TNS1: variants seen among roughly 807,000 people sequenced by gnomAD.
TNS1 encodes the protein tensin 1, also known as tensin-1.
A neutral mutation model predicts 168.6 loss-of-function variants in TNS1; 62 were observed. That is an observed-to-expected ratio of 0.37 (90% CI 0.30 to 0.45). TNS1 has a LOEUF of 0.45. Ranked by LOEUF, TNS1 falls within the 20% of genes least tolerant of loss-of-function variation. The pLI, the probability that TNS1 is intolerant of heterozygous loss-of-function variation, is 1.00. For synonymous variants in TNS1, 934 were observed against 933.2 expected, an observed-to-expected ratio of 1.00 and a Z score of -0.02; for missense variants, 2,240 against 2,339.4, an observed-to-expected ratio of 0.96 and a Z score of 0.88.
Position 217,818,161 on chromosome 2 carries a change from G to A in TNS1, c.4171C>T (p.Leu1391Phe), listed in dbSNP as rs993491639. The part of the protein sequence containing the change: ...GAHQGNLASG[L>F]HSNAIASPGS... ...GGGCTGGCTATTGCATTGCTATGAAGACCGGAGGCCAGGTTGCCTTGGTGA... is the reference window on the plus strand; with the variant it reads ...GGGCTGGCTATTGCATTGCTATGAAAACCGGAGGCCAGGTTGCCTTGGTGA... The change falls in exon 24 of 33, where the codon CTT (leucine) becomes TTT (phenylalanine). Residue 1391 changes from leucine (L) to phenylalanine (F), a missense_variant. This residue lies in a region of TNS1 where 2,131 missense variants were observed against 2,171.2 expected (regional missense o/e 0.98). Coordinates refer to ENST00000682258, the MANE Select transcript of TNS1 (RefSeq NM_001387777.1). The A allele has an allele frequency of 2.5e-6, 4 of 1,613,928 alleles. No homozygotes were observed. The highest frequency in any genetic ancestry group is 2.5e-6 in the Non-Finnish European group (3 of 1,179,990).
chr2:217,948,144 C>G lies in TNS1; in HGVS notation c.187-27908G>C, dbSNP rs551643032. 1.5e-4 allele frequency among the ~76,000 whole-genome samples: 23 copies of G among 152,366 alleles called. No individual in the cohort carries two copies. Among genetic ancestry groups the G allele is most frequent in the Admixed American group, 2.0e-4 (3 of 15,308 alleles). On this transcript the variant is annotated intron_variant, in intron 3 of 32. Coordinates refer to ENST00000682258, the MANE Select transcript of TNS1 (RefSeq NM_001387777.1). The surrounding 1 kb of genome is among the most constrained non-coding windows in gnomAD (Gnocchi z 4.1). ...ACTCCCACACTCAAGGAGCCAGACT[C>G]TCAGGTTCTTACAGCACTAAGGTGA...
At chr2:217,941,086 T>G (rs901455423) in intron 3 of TNS1, among the ~76,000 whole-genome samples, 1 of 152,184 alleles carries the variant, frequency 6.6e-6, no homozygotes, top group Non-Finnish European at 1.5e-5. Context: ...TTTACAAATG[T>G]GGAAACTGAG....
intron 4 of TNS1, among the ~76,000 whole-genome samples, chr2:217,910,877 T>C (rs1349124882): frequency 1.3e-5 from 2 of 152,158 alleles, no homozygotes; most frequent in Non-Finnish European, 2.9e-5. Context: ...AGGTCTGATC[T>C]GCCCAGCCTT....
At chr2:217,951,776 C>T (rs1026339698) in intron 3 of TNS1, among the ~76,000 whole-genome samples, 2 of 152,254 alleles carry the variant, frequency 1.3e-5, no homozygotes, top group African/African-American at 4.8e-5. Context: ...CACACACACA[C>T]ACACAGCCAC....
intron 2 of TNS1, 147 bp downstream of exon 2, chr2:217,990,795 G>T: frequency 2.6e-6 from 1 of 386,412 alleles, no homozygotes; most frequent in Non-Finnish European, 4.7e-6. Context: ...CATCCAGTGA[G>T]CTCAGCATCC....
At chr2:217,807,946 G>T in intron 32 of TNS1, 129 bp downstream of exon 32, 3 of 1,105,096 alleles carry the variant, frequency 2.7e-6, no homozygotes, top group South Asian at 1.4e-5. Context: ...GAAGCTGAGT[G>T]ACCTTGGCAC....
intron 3 of TNS1, among the ~76,000 whole-genome samples, chr2:217,947,706 T>C (rs2125966804): frequency 6.6e-6 from 1 of 151,950 alleles, no homozygotes; most frequent in Non-Finnish European, 1.5e-5. Flanking sequence ...GAGGAGAAAG[T>C]CAAGAGAAAG....
At chr2:217,947,356 G>C (rs1041754984) in intron 3 of TNS1, among the ~76,000 whole-genome samples, 1 of 152,154 alleles carries the variant, frequency 6.6e-6, no homozygotes, top group East Asian at 1.9e-4. Flanking sequence ...GAGGTGAGGA[G>C]ATACAGAACC....
At chr2:217,967,963 G>GGGTCATTCCT (rs1957688270) in intron 3 of TNS1, among the ~76,000 whole-genome samples, 1 of 152,078 alleles carries the variant, frequency 6.6e-6, no homozygotes. Context: ...ATGACCAAAT[G>GGGTCATTCCT]GGACTTATCC....
chr2:217,909,525 G>A (rs534927168), intron 4 of TNS1, among the ~76,000 whole-genome samples: 1 of 151,628 alleles, frequency 6.6e-6, no homozygotes, highest in Admixed American at 6.6e-5. Flanking sequence ...ACTTGAACAT[G>A]CATAGCACCA....
In TNS1 at chr2:217,989,868, T is replaced by C. The variant is rs889383133; in HGVS notation, c.148+1074A>G. ...ATCAGCCATGTGACCTCAATGCACCTGCCACAAACCCTCCACACAGCTTCT... is the reference window on the plus strand; with the variant it reads ...ATCAGCCATGTGACCTCAATGCACCCGCCACAAACCCTCCACACAGCTTCT... On this transcript the variant is annotated intron_variant, in intron 2 of 32. Coordinates refer to ENST00000682258, the MANE Select transcript of TNS1 (RefSeq NM_001387777.1). Among the ~76,000 whole-genome samples, 5 of 151,920 alleles carry C rather than the reference T, an allele frequency of 3.3e-5. No individual in the cohort carries two copies. In the South Asian group the frequency reaches 1.0e-3, roughly 32 times the overall value.
rs1951694771 is a variant in TNS1, at chr2:217,891,058, AC to A, written c.783-14del. On this transcript the variant is annotated splice_polypyrimidine_tract_variant and intron_variant, in intron 11 of 32. Transcript: ENST00000682258. ...AGCCTGGTCCGCACTGCAGGGAGAG[AC>A]AGGTGGTCAAAAGAGGCAACTCCTG... 2.7e-5 allele frequency: 44 copies of A among 1,614,074 alleles called. No individual in the cohort carries two copies. Among genetic ancestry groups the A allele is most frequent in the Non-Finnish European group, 3.6e-5 (43 of 1,179,976 alleles).
chr2:218,021,190 C>T (rs955698848), intron 1 of TNS1, among the ~76,000 whole-genome samples: 3 of 152,020 alleles, frequency 2.0e-5, no homozygotes, highest in Admixed American at 1.3e-4. Context: ...CCTTGGGGCT[C>T]AGGACCTCCT....
intron 25 of TNS1, chr2:217,814,130 TAGCTGGGAC>T (rs1941476666): frequency 5.2e-6 from 1 of 192,630 alleles, no homozygotes; most frequent in African/African-American, 2.4e-5. Flanking sequence ...GCCTCTCCAG[TAGCTGGGAC>T]CACAGGCCAC....
chr2:217,945,017 G>A (rs1455857109), intron 3 of TNS1, among the ~76,000 whole-genome samples: 1 of 152,200 alleles, frequency 6.6e-6, no homozygotes, highest in Admixed American at 6.5e-5. Context: ...TAATCACCCG[G>A]TTATTATAGC....
chr2:217,829,875 A>T (rs1267210474), intron 22 of TNS1: 3 of 1,613,866 alleles, frequency 1.9e-6, no homozygotes, highest in East Asian at 4.5e-5. Context: ...CCTTCCCCTC[A>T]TCTTCCTCTG....
intron 18 of TNS1, among the ~76,000 whole-genome samples, chr2:217,868,402 G>T (rs1048942288): frequency 7.2e-5 from 11 of 151,730 alleles, no homozygotes; most frequent in African/African-American, 2.2e-4. Flanking sequence ...ATGGGGAAAA[G>T]ATTCACAGAC....
At chr2:217,951,477 T>C (rs78159705) in intron 3 of TNS1, among the ~76,000 whole-genome samples, 1,894 of 152,286 alleles carry the variant, frequency 0.012, 45 homozygotes, top group African/African-American at 0.044. Context: ...TGAATCCCAT[T>C]TTACAGAGGA....
chr2:217,966,683 T>C (rs1357350101), intron 3 of TNS1, among the ~76,000 whole-genome samples: 3 of 152,170 alleles, frequency 2.0e-5, no homozygotes, highest in Admixed American at 6.5e-5. Context: ...CACCAAGCGA[T>C]GCTGAGGCTC....
Sources: allele counts gnomAD v4.1 joint callset (sites outside exome capture counted in the v4.1 genomes callset), GRCh38; gene constraint gnomAD v4.1.1; regional missense constraint gnomAD v4.1.1; non-coding constraint Gnocchi (gnomAD v3.1); transcripts MANE v1.5; gene names NCBI Gene and HGNC (gene_info 2026-07-23, HGNC 2026-07-21).